CACNA2D3: variants seen among roughly 807,000 people sequenced by gnomAD.
CACNA2D3 encodes calcium voltage-gated channel auxiliary subunit alpha2delta 3, also known as voltage-dependent calcium channel subunit alpha-2/delta-3.
CACNA2D3 carries 60 observed loss-of-function variants against 160.6 expected under a neutral mutation model. The observed-to-expected ratio is 0.37, with a 90% CI of 0.30 to 0.46. The LOEUF (loss-of-function observed/expected upper bound fraction) is 0.46, where lower values mean the gene tolerates loss of function less well. Among genes scored for constraint, CACNA2D3 ranks in the 20% least tolerant of loss-of-function variants. The probability of loss-of-function intolerance (pLI) is 1.00; values close to 1 mark genes in which losing one functional copy is unlikely to be tolerated. For missense variants in CACNA2D3, 1,205 were observed against 1,365.0 expected, an observed-to-expected ratio of 0.88 and a Z score of 1.85; for synonymous variants, 558 against 492.9, an observed-to-expected ratio of 1.13 and a Z score of -1.75.
intron 11 of CACNA2D3, among the ~76,000 whole-genome samples, chr3:54,742,137 G>A (rs1199560210): frequency 6.6e-6 from 1 of 152,204 alleles, no homozygotes; most frequent in Admixed American, 6.5e-5. Context: ...ATAGTGCTGG[G>A]GCTGGGTGCG....
At chr3:54,467,169 G>A (rs910499026) in intron 4 of CACNA2D3, among the ~76,000 whole-genome samples, 1 of 152,174 alleles carries the variant, frequency 6.6e-6, no homozygotes, top group Non-Finnish European at 1.5e-5. Flanking sequence ...TTTGTCTCCA[G>A]GAAAATAAGT....
intron 13 of CACNA2D3, among the ~76,000 whole-genome samples, chr3:54,771,275 G>C (rs1311561561): frequency 2.6e-5 from 4 of 152,292 alleles, no homozygotes; most frequent in Middle Eastern, 3.4e-3. Context: ...GGCTCTGCTA[G>C]TTCTCTACTG....
intron 17 of CACNA2D3, among the ~76,000 whole-genome samples, chr3:54,855,395 C>T (rs1279369342): frequency 6.6e-6 from 1 of 152,236 alleles, no homozygotes; most frequent in Non-Finnish European, 1.5e-5. Context: ...TCATTTCCTA[C>T]ACCCTGCCCA....
chr3:54,261,957 A>G (rs1445206732), intron 2 of CACNA2D3, among the ~76,000 whole-genome samples: 1 of 152,176 alleles, frequency 6.6e-6, no homozygotes, highest in Admixed American at 6.5e-5. Context: ...CTAATAAGCC[A>G]GTCAAGGCAG....
intron 3 of CACNA2D3, among the ~76,000 whole-genome samples, chr3:54,374,159 A>G (rs1219289598): frequency 6.6e-6 from 1 of 152,230 alleles, no homozygotes; most frequent in East Asian, 1.9e-4. Flanking sequence ...AGGGTCAGGG[A>G]AACTGCTGTC....
chr3:54,866,112 G>C (rs1699395988), intron 17 of CACNA2D3, among the ~76,000 whole-genome samples: 2 of 151,864 alleles, frequency 1.3e-5, no homozygotes, highest in Non-Finnish European at 2.9e-5. Flanking sequence ...CATTCTCCCT[G>C]GGTGCTTTTC....
intron 29 of CACNA2D3, among the ~76,000 whole-genome samples, chr3:54,983,211 T>C (rs971384950): frequency 1.3e-5 from 2 of 152,240 alleles, no homozygotes; most frequent in African/African-American, 2.4e-5. Context: ...CACAATGATA[T>C]AAATGTCCAA....
chr3:54,178,551 C>T (rs1049610551), intron 2 of CACNA2D3, among the ~76,000 whole-genome samples: 2 of 152,166 alleles, frequency 1.3e-5, no homozygotes, highest in African/African-American at 2.4e-5. Flanking sequence ...TGAGTGGCAT[C>T]GTCACCAACT....
At chr3:54,572,864 G>A (rs912296388) in intron 8 of CACNA2D3, among the ~76,000 whole-genome samples, 1 of 152,168 alleles carries the variant, frequency 6.6e-6, no homozygotes, top group Non-Finnish European at 1.5e-5. Context: ...AATAAGAAGA[G>A]CTAACTAATT....
intron 2 of CACNA2D3, among the ~76,000 whole-genome samples, chr3:54,182,386 A>G (rs957208679): frequency 2.0e-5 from 3 of 152,222 alleles, no homozygotes; most frequent in Non-Finnish European, 4.4e-5. Flanking sequence ...AAGAAGAGGT[A>G]ACAAATGGCT....
chr3:54,281,222 C>A (rs1055419517), intron 2 of CACNA2D3, among the ~76,000 whole-genome samples: 1 of 152,216 alleles, frequency 6.6e-6, no homozygotes, highest in African/African-American at 2.4e-5. Flanking sequence ...TTGAGCAAAA[C>A]AGTATCAGGA....
chr3:54,866,000 G>A (rs1048729289), intron 17 of CACNA2D3, among the ~76,000 whole-genome samples: 1 of 152,152 alleles, frequency 6.6e-6, no homozygotes, highest in Non-Finnish European at 1.5e-5. Flanking sequence ...ATCAGAGTCT[G>A]ACTCCAGGAC....
intron 10 of CACNA2D3, chr3:54,632,819 A>G (rs1393086398): frequency 6.6e-6 from 1 of 152,212 alleles, no homozygotes; most frequent in Non-Finnish European, 1.5e-5. Flanking sequence ...TGGAATAAGC[A>G]ATGAGGTTAT....
chr3:54,342,044 G>C (rs895764120), intron 3 of CACNA2D3, among the ~76,000 whole-genome samples: 2 of 152,120 alleles, frequency 1.3e-5, no homozygotes, highest in East Asian at 1.9e-4. Context: ...CTGATTCACA[G>C]AGCTATTAAG....
chr3:54,386,682 A>C (rs781755061), intron 3 of CACNA2D3, 33 bp from the exon 4 acceptor site: 3 of 1,514,068 alleles, frequency 2.0e-6, no homozygotes. Flanking sequence ...CTGATCCTTA[A>C]TGCTGTCTTC....
chr3:55,002,239 A>G (rs1255309655), intron 31 of CACNA2D3, among the ~76,000 whole-genome samples: 1 of 151,956 alleles, frequency 6.6e-6, no homozygotes, highest in Non-Finnish European at 1.5e-5. Flanking sequence ...ATCCATGGCT[A>G]TGAGACTCCA....
chr3:54,678,859 C>A (rs1321629977), intron 11 of CACNA2D3, among the ~76,000 whole-genome samples: 1 of 150,892 alleles, frequency 6.6e-6, no homozygotes, highest in African/African-American at 2.4e-5. Flanking sequence ...AAAACACTGG[C>A]GTTATGATTA....
Position 54,642,433 on chromosome 3 carries a change from A to T in CACNA2D3, c.1167+192A>T, listed in dbSNP as rs939761027. On this transcript the variant is annotated intron_variant, in intron 11 of 37. Transcript: ENST00000474759. The stretch of plus-strand genomic sequence containing the variant: ...TGTTTTCAAAAAATGAAACTTTTGG[A>T]GGAGAGAAGAAACTTGTAAAGACAT... 1.4e-4 allele frequency among the ~76,000 whole-genome samples: 22 copies of T among 152,080 alleles called. 1 individual carries two copies. The highest frequency in any genetic ancestry group is 5.3e-4 in the African/African-American group (22 of 41,418).
At chr3:54,342,759 G>T (rs1698380502) in intron 3 of CACNA2D3, among the ~76,000 whole-genome samples, 2 of 152,208 alleles carry the variant, frequency 1.3e-5, no homozygotes, top group Admixed American at 1.3e-4. Context: ...AACAGCAACT[G>T]GTTTGAAGGT....
Sources: gnomAD v4.1 joint callset for allele counts (sites outside exome capture counted in the v4.1 genomes callset) on GRCh38, gnomAD v4.1.1 for gene constraint, MANE v1.5 for transcripts, NCBI Gene and HGNC (gene_info 2026-07-23, HGNC 2026-07-21) for gene names.